SH2D4B: variants seen among roughly 807,000 people sequenced by gnomAD.
SH2D4B encodes SH2 domain containing 4B.
SH2D4B carries 45 observed loss-of-function variants against 61.5 expected under a neutral mutation model. The observed-to-expected ratio is 0.73, with a 90% confidence interval of 0.58 to 0.94. The LOEUF (loss-of-function observed/expected upper bound fraction) is 0.94, where lower values mean the gene tolerates loss of function less well. SH2D4B is among the 40% of genes least tolerant of loss of function. SH2D4B has a pLI of 0.00. For synonymous variants in SH2D4B, 224 were observed against 220.4 expected (o/e 1.02, Z -0.14); for missense variants, 572 against 574.2 (o/e 1.00, Z 0.04).
chr10:80,562,062 C>CACAG (rs35404674), intron 1 of SH2D4B, among the ~76,000 whole-genome samples: 1 of 144,498 alleles, frequency 6.9e-6, no homozygotes, highest in Non-Finnish European at 1.5e-5. Flanking sequence ...CACACACACA[C>CACAG]ATATATAAAA....
At chr10:80,641,957 A>G (rs1488241252) in intron 7 of SH2D4B, among the ~76,000 whole-genome samples, 3 of 152,224 alleles carry the variant, frequency 2.0e-5, no homozygotes, top group Non-Finnish European at 4.4e-5. Context: ...TGAAAGCCTC[A>G]TTCATTTCAA....
chr10:80,572,848 G>C (rs1417605798), intron 3 of SH2D4B, among the ~76,000 whole-genome samples: 1 of 147,452 alleles, frequency 6.8e-6, no homozygotes, highest in Non-Finnish European at 1.5e-5. Flanking sequence ...TCGAACTCCT[G>C]ACTTTGTGAT....
chr10:80,573,284 C>T (rs2132120569), intron 3 of SH2D4B, among the ~76,000 whole-genome samples: 1 of 151,718 alleles, frequency 6.6e-6, no homozygotes, highest in Middle Eastern at 3.4e-3. Flanking sequence ...CCGTGCCCGG[C>T]CTATGTTGCA....
intron 1 of SH2D4B, among the ~76,000 whole-genome samples, chr10:80,550,761 A>T (rs1841749544): frequency 6.6e-6 from 1 of 152,232 alleles, no homozygotes. Flanking sequence ...GAGCAAGTGG[A>T]ATCTCAGAGA....
intron 4 of SH2D4B, among the ~76,000 whole-genome samples, chr10:80,598,943 G>A (rs375643002): frequency 6.6e-5 from 10 of 152,246 alleles, no homozygotes; most frequent in African/African-American, 2.4e-4. Flanking sequence ...CAGGACTTTG[G>A]AGTTGTCAGA....
chr10:80,628,442 G>T (rs1317288345), intron 6 of SH2D4B, among the ~76,000 whole-genome samples: 1 of 152,094 alleles, frequency 6.6e-6, no homozygotes, highest in Admixed American at 6.6e-5. Context: ...TGATTGTGAG[G>T]CCTCCCCAGC....
chr10:80,541,033 T>C, intron 1 of SH2D4B: 2 of 882,090 alleles, frequency 2.3e-6, no homozygotes, highest in South Asian at 2.8e-5. Flanking sequence ...AAACTGTTAG[T>C]GAGAAGCGAA....
In SH2D4B at chr10:80,634,140, G is replaced by A. The variant is rs1842865796; in HGVS notation, c.989-145G>A. The A allele has an allele frequency of 4.4e-6, 5 of 1,147,428 alleles. No individual in the cohort carries two copies. The East Asian group carries it at 8.6e-5, about 20-fold the overall frequency. 71.1% of individuals were successfully genotyped at this position (1,147,428 alleles called of 1,614,324 possible). A position where few individuals can be genotyped will look rare whatever the true frequency, so the allele number is the denominator to read the frequency against. On this transcript the variant is annotated intron_variant, in intron 6 of 7. Coordinates refer to ENST00000646907, the MANE Select transcript of SH2D4B (RefSeq NM_001388272.1). ...GAGGCATGTGCTTGGCCAGCCCTTG[G>A]GGCTCTTTCCTTCCTGCCACCCTGG...
At chr10:80,599,834 C>T (rs752270487) in intron 4 of SH2D4B, among the ~76,000 whole-genome samples, 2 of 152,134 alleles carry the variant, frequency 1.3e-5, no homozygotes, top group Admixed American at 6.5e-5. Context: ...TTCAGCATCT[C>T]GGCTGCCTGT....
At chr10:80,568,922 A>G (rs988760125) in intron 1 of SH2D4B, among the ~76,000 whole-genome samples, 9 of 152,208 alleles carry the variant, frequency 5.9e-5, no homozygotes, top group African/African-American at 2.2e-4. Context: ...TTGAAGTTAC[A>G]GTGTCTAGCT....
intron 3 of SH2D4B, among the ~76,000 whole-genome samples, chr10:80,578,609 A>C (rs936299239): frequency 6.6e-6 from 1 of 152,208 alleles, no homozygotes; most frequent in East Asian, 1.9e-4. Flanking sequence ...GGAGCCAGAC[A>C]TACGCCTGGA....
chr10:80,558,304 A>G (rs1470655526), intron 1 of SH2D4B, among the ~76,000 whole-genome samples: 1 of 152,138 alleles, frequency 6.6e-6, no homozygotes, highest in East Asian at 1.9e-4. Context: ...TGAAAGAGAA[A>G]GTATTCAGCT....
Position 80,603,584 on chromosome 10 carries a change from C to A in SH2D4B, c.649C>A (p.Arg217=), listed in dbSNP as rs7069048. The change falls in exon 5 of 8, where the codon CGG becomes AGG. Residue 217 remains arginine, a synonymous_variant. Coordinates refer to ENST00000646907, the MANE Select transcript of SH2D4B (RefSeq NM_001388272.1). ...TGCTGTCTTCCTCTTTCCAGTGCGC[C>A]GGTCCAAGGCGGCTGATGAGGAGAG... is the stretch of plus-strand genomic sequence containing the variant. ...EEREWEEQLR[R]SKAADEERSR... The A allele has an allele frequency of 0.27, 419,273 of 1,548,054 alleles. 61,770 individuals are homozygous for A. Among genetic ancestry groups the A allele is most frequent in the East Asian group, 0.55 (22,751 of 41,480 alleles).
intron 3 of SH2D4B, 72 bp from the exon 4 acceptor site, chr10:80,588,558 A>G (rs1842286252): frequency 6.3e-7 from 1 of 1,578,464 alleles, no homozygotes; most frequent in South Asian, 1.1e-5. Flanking sequence ...GCAGAATCCC[A>G]GAGATATTTC....
intron 6 of SH2D4B, among the ~76,000 whole-genome samples, chr10:80,610,500 A>G (rs1051398303): frequency 6.6e-6 from 1 of 152,152 alleles, no homozygotes; most frequent in African/African-American, 2.4e-5. Context: ...TCTGCATTGA[A>G]AATCCAGAGC....
chr10:80,640,040 T>C (rs1029712675), intron 7 of SH2D4B, among the ~76,000 whole-genome samples: 5 of 152,190 alleles, frequency 3.3e-5, no homozygotes, highest in African/African-American at 1.2e-4. Flanking sequence ...TTCTCCTTCA[T>C]TTATGAAGCT....
chr10:80,544,391 C>G (rs1841636925), intron 1 of SH2D4B, among the ~76,000 whole-genome samples: 2 of 152,238 alleles, frequency 1.3e-5, no homozygotes. Flanking sequence ...AGCTGTAACA[C>G]TCACCGCGAG....
intron 6 of SH2D4B, among the ~76,000 whole-genome samples, chr10:80,624,598 C>T (rs1842751129): frequency 2.0e-5 from 3 of 152,248 alleles, no homozygotes. Context: ...AACCTGGCTA[C>T]ATGTTAGAAT....
In SH2D4B at chr10:80,588,620, G is replaced by A. The variant is rs770080688; in HGVS notation, c.496-10G>A. 2.5e-6 allele frequency: 4 copies of A among 1,613,398 alleles called. No individual in the cohort carries two copies. The highest frequency in any genetic ancestry group is 3.4e-6 in the Non-Finnish European group (4 of 1,179,940). ...TCATCTCGTGTTGTTCTGTTCCCATGACATTTTAGAGGAAAGAGGAAGAGG... is the reference window on the plus strand; with the variant it reads ...TCATCTCGTGTTGTTCTGTTCCCATAACATTTTAGAGGAAAGAGGAAGAGG... On this transcript the variant is annotated splice_polypyrimidine_tract_variant and intron_variant, in intron 3 of 7. Transcript: ENST00000646907.
Sources: gnomAD v4.1 joint callset for allele counts (sites outside exome capture counted in the v4.1 genomes callset) on GRCh38, gnomAD v4.1.1 for gene constraint, MANE v1.5 for transcripts, NCBI Gene and HGNC (gene_info 2026-07-23, HGNC 2026-07-21) for gene names.